Variants in GEM observed in about 807,000 individuals in gnomAD.
GEM encodes the protein GTP-binding protein GEM.
GEM carries 31 observed loss-of-function variants against 33.0 expected under a neutral mutation model. The ratio of observed to expected loss-of-function variants is 0.94; its 90% confidence interval spans 0.71 to 1.27. The LOEUF is 1.27. GEM is among the 50% of genes most tolerant of loss of function. The pLI, the probability that GEM is intolerant of heterozygous loss-of-function variation, is 0.00. For missense variants in GEM, 354 were observed against 390.5 expected, an observed-to-expected ratio of 0.91 and a Z score of 0.79; for synonymous variants, 141 against 143.7, an observed-to-expected ratio of 0.98 and a Z score of 0.13.
At chr8:94,258,445 G>C (rs1036313656) in intron 2 of GEM, among the ~76,000 whole-genome samples, 1 of 151,906 alleles carries the variant, frequency 6.6e-6, no homozygotes, top group African/African-American at 2.4e-5. Flanking sequence ...CCATCGCCTT[G>C]TATCCCAGAG....
rs1455163181 is a variant in GEM, at chr8:94,250,184, T to TA, written c.*125dup. ...TGCATCATGTTGCCCACAAGGCTAATACGCTAGCTCCCTGCTACAATGGGG... is the reference window on the plus strand; with the variant it reads ...TGCATCATGTTGCCCACAAGGCTAATAACGCTAGCTCCCTGCTACAATGGGG... On this transcript the variant is annotated 3_prime_UTR_variant, in exon 5 of 5. Transcript: ENST00000297596. The TA allele has an allele frequency of 1.2e-5, 9 of 749,210 alleles. No homozygotes were observed. The East Asian group carries it at 2.3e-4, about 20-fold the overall frequency. The allele number at this position is 749,210 out of a possible 1,614,324, so 46.4% of individuals were successfully genotyped here.
Position 94,252,052 on chromosome 8 carries a change from C to T in GEM, c.580G>A (p.Asp194Asn). The stretch of plus-strand genomic sequence containing the variant: ...GACACTTCTCGGCACCGCACTAAGT[C>T]ACTTTTGTTGCCAACCAAAATTATG... ...IPIILVGNKSDLVRCREVSVS... is the reference protein window; with the variant it reads ...IPIILVGNKSNLVRCREVSVS... The change falls in exon 4 of 5, where the codon GAC becomes AAC. Residue 194 changes from aspartate to asparagine, a missense_variant. By Grantham distance (23) the Asp-to-Asn change is conservative. Coordinates refer to ENST00000297596, the MANE Select transcript of GEM (RefSeq NM_005261.4). The T allele has an allele frequency of 6.2e-7, 1 of 1,614,092 alleles. No individual in the cohort carries two copies. The highest frequency in any genetic ancestry group is 8.5e-7 in the Non-Finnish European group (1 of 1,179,946).
At chr8:94,258,569 A>G (rs926251901) in intron 2 of GEM, among the ~76,000 whole-genome samples, 1 of 152,218 alleles carries the variant, frequency 6.6e-6, no homozygotes, top group East Asian at 1.9e-4. Flanking sequence ...TTTGGGTTCA[A>G]TCACAACTAG....
At chr8:94,258,745 T>C (rs1395009238) in intron 2 of GEM, among the ~76,000 whole-genome samples, 4 of 152,216 alleles carry the variant, frequency 2.6e-5, no homozygotes, top group African/African-American at 7.2e-5. Flanking sequence ...GCCTGGCACA[T>C]AGCAAGTTCC....
Position 94,253,026 on chromosome 8 carries a change from C to T in GEM, c.408+10G>A, listed in dbSNP as rs746692600. ...CTAAAGGAATTTAGAGAGCTACAGG[C>T]TCTGCATACCTTATTTTCCCACATA... is the stretch of plus-strand genomic sequence containing the variant. On this transcript the variant is annotated intron_variant, in intron 3 of 4. Transcript: ENST00000297596. 2.0e-6 allele frequency: 3 copies of T among 1,490,028 alleles called. No individual in the cohort carries two copies. The highest frequency in any genetic ancestry group is 2.8e-6 in the Non-Finnish European group (3 of 1,067,274). 92.3% of individuals were successfully genotyped at this position (1,490,028 alleles called of 1,614,324 possible).
intron 2 of GEM, 103 bp downstream of exon 2, chr8:94,260,070 A>T (rs1413388857): frequency 1.4e-6 from 1 of 735,036 alleles, no homozygotes; most frequent in Non-Finnish European, 2.3e-6. Context: ...CAAAATGCCT[A>T]ACTTCAGCTC....
At position 94,250,364 on chromosome 8, in the gene GEM, C is replaced by G. The variant is rs759294461; in HGVS notation, c.837G>C (p.Lys279Asn). 8 of 1,614,174 alleles carry G rather than the reference C, an allele frequency of 5.0e-6. No individual in the cohort carries two copies. Among genetic ancestry groups the G allele is most frequent in the Non-Finnish European group, 6.8e-6 (8 of 1,180,008 alleles). ...TGGACTTGAGCTTGAAGGCCATATT[C>G]TTGTTGTTTTTGGCCACGATCTTGC... is the stretch of plus-strand genomic sequence containing the variant. Reference protein sequence around the residue: ...FWGKIVAKNNKNMAFKLKSKS... With the variant: ...FWGKIVAKNNNNMAFKLKSKS... Residue 279 changes from lysine to asparagine, a missense_variant, in exon 5 of 5, where the codon AAG becomes AAC. Lys to Asn is a moderately conservative substitution (Grantham distance 94, BLOSUM62 0). Coordinates refer to ENST00000297596, the MANE Select transcript of GEM (RefSeq NM_005261.4).
Position 94,250,391 on chromosome 8 carries a change from C to G in GEM, c.810G>C (p.Trp270Cys). Residue 270 changes from tryptophan to cysteine, a missense_variant, in exon 5 of 5, where the codon TGG (tryptophan) becomes TGC (cysteine). Physicochemically the swap from Trp to Cys is radical, Grantham distance 215. Transcript: ENST00000297596. The part of the protein sequence containing the change: ...ESMPRKARRF[W>C]GKIVAKNNKN... ...TGTTGTTTTTGGCCACGATCTTGCC[C>G]CAGAAGCGCCTGGCTTTCCTGGGCA... is the stretch of plus-strand genomic sequence containing the variant. 1 of 1,614,136 alleles carries G rather than the reference C, an allele frequency of 6.2e-7. No individual in the cohort carries two copies. Among genetic ancestry groups the G allele is most frequent in the Non-Finnish European group, 8.5e-7 (1 of 1,179,994 alleles).
In GEM at chr8:94,253,079, C is replaced by T. The variant is rs767526831; in HGVS notation, c.365G>A (p.Gly122Glu). The change falls in exon 3 of 5, where the codon GGG (glycine) becomes GAG (glutamate). Residue 122 changes from glycine to glutamate, a missense_variant. By Grantham distance (98) the Gly-to-Glu change is moderately conservative (BLOSUM62 -2). Coordinates refer to ENST00000297596, the MANE Select transcript of GEM (RefSeq NM_005261.4). ...DTYERTLMVD[G>E]ESATIILLDM... ...CAGGAGTATAATCGTTGCACTTTCC[C>T]CATCAACCATCAGGGTTCGTTCATA... is the stretch of plus-strand genomic sequence containing the variant. The T allele has an allele frequency of 1.9e-6, 3 of 1,600,830 alleles. No individual in the cohort carries two copies. The highest frequency in any genetic ancestry group is 1.1e-5 in the South Asian group (1 of 90,722).
At chr8:94,258,709 T>C (rs1355812930) in intron 2 of GEM, among the ~76,000 whole-genome samples, 1 of 152,164 alleles carries the variant, frequency 6.6e-6, no homozygotes, top group Admixed American at 6.5e-5. Flanking sequence ...TTATCAAAAA[T>C]ATGTGTGGGA....
Position 94,249,385 on chromosome 8 carries a change from A to G in GEM, c.*925T>C, listed in dbSNP as rs183026760. ...AATATGTTCATAAATATGCTTTATC[A>G]AATGTTAAAATGGTTATTTTGCAAA... is the stretch of plus-strand genomic sequence containing the variant. On this transcript the variant is annotated 3_prime_UTR_variant, in exon 5 of 5. Coordinates refer to ENST00000297596, the MANE Select transcript of GEM (RefSeq NM_005261.4). The G allele has an allele frequency of 2.8e-4, 43 of 152,308 alleles. No homozygotes were observed. The highest frequency in any genetic ancestry group is 5.6e-4 in the Non-Finnish European group (38 of 68,030). 9.4% of individuals were successfully genotyped at this position (152,308 alleles called of 1,614,324 possible).
At chr8:94,253,840 G>A (rs1431357876) in intron 2 of GEM, among the ~76,000 whole-genome samples, 1 of 152,136 alleles carries the variant, frequency 6.6e-6, no homozygotes, top group Non-Finnish European at 1.5e-5. Flanking sequence ...GTTCCAGCCT[G>A]GAAAATCCAT....
intron 2 of GEM, 24 bp downstream of exon 2, chr8:94,260,149 G>T: frequency 6.7e-7 from 1 of 1,483,868 alleles, no homozygotes; most frequent in South Asian, 1.2e-5. Context: ...GTGGAAAGAA[G>T]CCCACTGGGG....
At chr8:94,259,322 A>G (rs1191707792) in intron 2 of GEM, among the ~76,000 whole-genome samples, 1 of 152,206 alleles carries the variant, frequency 6.6e-6, no homozygotes, top group African/African-American at 2.4e-5. Context: ...TCGCGACAGA[A>G]CACAGACCAT....
At chr8:94,259,848 G>A (rs1808976177) in intron 2 of GEM, 1 of 252,912 alleles carries the variant, frequency 4.0e-6, no homozygotes, top group South Asian at 1.1e-4. Context: ...GAATGTTCAA[G>A]TCAGAGTCAG....
chr8:94,261,665 CCTT>C (rs1411603283), intron 1 of GEM, among the ~76,000 whole-genome samples: 5 of 152,150 alleles, frequency 3.3e-5, no homozygotes, highest in African/African-American at 1.2e-4. Context: ...TCTCAGATCC[CCTT>C]CTTGAAGCAA....
intron 2 of GEM, 83 bp downstream of exon 2, chr8:94,260,090 T>G: frequency 1.1e-6 from 1 of 871,590 alleles, no homozygotes; most frequent in South Asian, 1.6e-5. Flanking sequence ...CCCAACTCTG[T>G]GGGTAAATAA....
Position 94,252,233 on chromosome 8 carries a change from C to G in GEM, c.409-10G>C, listed in dbSNP as rs756366846. The G allele has an allele frequency of 5.8e-5, 91 of 1,579,036 alleles. No individual in the cohort carries two copies. Among genetic ancestry groups the G allele is most frequent in the Non-Finnish European group, 7.5e-5 (86 of 1,151,206 alleles). On this transcript the variant is annotated splice_polypyrimidine_tract_variant and intron_variant, in intron 3 of 4. Transcript: ENST00000297596. The stretch of plus-strand genomic sequence containing the variant: ...GCCATTCATTTTCCCCCTAATGAAA[C>G]AATAAGATCTTCTGTGAGTTCAGTT...
At chr8:94,252,375 T>C (rs1203058358) in intron 3 of GEM, 152 bp from the exon 4 acceptor site, 2 of 631,302 alleles carry the variant, frequency 3.2e-6, no homozygotes, top group African/African-American at 1.8e-5. Context: ...CCTAAAAGCA[T>C]TGGTCTTCTA....
Sources: gnomAD v4.1 joint callset for allele counts (sites outside exome capture counted in the v4.1 genomes callset) on GRCh38, gnomAD v4.1.1 for gene constraint, MANE v1.5 for transcripts, NCBI Gene and HGNC (gene_info 2026-07-23, HGNC 2026-07-21) for gene names.